The following PFKFB3 variants were observed in gnomAD, a reference collection of about 807,000 sequenced individuals.
PFKFB3 encodes the protein 6-phosphofructo-2-kinase/fructose-2,6-bisphosphatase 3.
In PFKFB3, 33 loss-of-function variants were observed where a neutral mutation model predicts 68.0. The ratio of observed to expected loss-of-function variants is 0.49; its 90% confidence interval spans 0.37 to 0.65. PFKFB3 has a LOEUF of 0.65. Ranked by LOEUF, PFKFB3 falls within the 30% of genes least tolerant of loss-of-function variation. The probability of loss-of-function intolerance (pLI) is 0.00; values close to 1 mark genes in which losing one functional copy is unlikely to be tolerated. For missense variants in PFKFB3, 586 were observed against 712.2 expected (o/e 0.82, Z 2.02); for synonymous variants, 315 against 288.2 (o/e 1.09, Z -0.94).
chr10:6,306,970 G>C, the PFKFB3 span, among the ~76,000 whole-genome samples: 1 of 152,190 alleles, frequency 6.6e-6, no homozygotes, highest in Non-Finnish European at 1.5e-5. Flanking sequence ...GTGCTTTTGG[G>C]TGAAATTAAC....
In PFKFB3 at chr10:6,228,494, G is replaced by A. The variant is rs897310028; in HGVS notation, c.1515+2129G>A. ...CTCCCCTACCCTCTCAGGGCTGCAG[G>A]TCGTGGTGTGTAATGGCCGTGGTTT... On this transcript the variant is annotated intron_variant, in intron 14 of 14. Coordinates refer to ENST00000379775, the MANE Select transcript of PFKFB3 (RefSeq NM_004566.4). The surrounding 1 kb of genome is among the most constrained non-coding windows in gnomAD (Gnocchi z 4.5). Among the ~76,000 whole-genome samples the A allele has an allele frequency of 2.0e-5, 3 of 152,030 alleles. No individual in the cohort carries two copies.
At chr10:6,165,161 C>T (rs1280521464) in intron 1 of PFKFB3, among the ~76,000 whole-genome samples, 2 of 152,180 alleles carry the variant, frequency 1.3e-5, no homozygotes, top group African/African-American at 2.4e-5. Flanking sequence ...GTCCCTGCAG[C>T]CTTCTGCAGT....
the PFKFB3 span, among the ~76,000 whole-genome samples, chr10:6,318,856 T>G: frequency 1.3e-5 from 2 of 152,088 alleles, no homozygotes. Context: ...GAAACATGAG[T>G]GGGACTTGCG....
At chr10:6,308,495 G>A in the PFKFB3 span, among the ~76,000 whole-genome samples, 1 of 152,196 alleles carries the variant, frequency 6.6e-6, no homozygotes, top group Admixed American at 6.5e-5. Flanking sequence ...CAGCCTGGGT[G>A]ACAGAGAGAG....
At chr10:6,179,592 G>A (rs368278288) in intron 1 of PFKFB3, among the ~76,000 whole-genome samples, 2 of 152,150 alleles carry the variant, frequency 1.3e-5, no homozygotes, top group African/African-American at 2.4e-5. Context: ...GGGGGTCGTC[G>A]AAGGACGGGT....
At chr10:6,312,957 C>A in the PFKFB3 span, among the ~76,000 whole-genome samples, 2 of 152,198 alleles carry the variant, frequency 1.3e-5, no homozygotes, top group Non-Finnish European at 2.9e-5. Flanking sequence ...TTCGCTTTGC[C>A]ATCCCCTGTG....
intron 1 of PFKFB3, among the ~76,000 whole-genome samples, chr10:6,171,101 G>A (rs1447429755): frequency 6.6e-6 from 1 of 152,136 alleles, no homozygotes; most frequent in Admixed American, 6.5e-5. Context: ...GTGCAATGGT[G>A]CAATGGCGTG....
downstream of PFKFB3, among the ~76,000 whole-genome samples, chr10:6,236,325 G>T (rs74564141): frequency 0.014 from 2,119 of 152,334 alleles, 113 homozygotes; most frequent in Admixed American, 0.086. Flanking sequence ...TGCAGATGGG[G>T]CAGGGTTCAG....
At chr10:6,190,907 T>G (rs1843005030) in intron 1 of PFKFB3, among the ~76,000 whole-genome samples, 1 of 152,170 alleles carries the variant, frequency 6.6e-6, no homozygotes, top group Admixed American at 6.5e-5. Flanking sequence ...GCCTCCTGAG[T>G]AGCTGGGATT....
intron 1 of PFKFB3, among the ~76,000 whole-genome samples, chr10:6,168,883 A>G (rs533387788): frequency 6.6e-6 from 1 of 152,306 alleles, no homozygotes; most frequent in East Asian, 1.9e-4. Flanking sequence ...CTGCCCAGAC[A>G]ACCTCCTAAA....
At chr10:6,152,217 C>T (rs771267541) in intron 1 of PFKFB3, 1 of 154,134 alleles carries the variant, frequency 6.5e-6, no homozygotes, top group Admixed American at 6.6e-5. Context: ...CCTCCCACTG[C>T]AGAGCCTGGG....
chr10:6,164,996 A>G (rs754744060), intron 1 of PFKFB3, among the ~76,000 whole-genome samples: 1 of 148,828 alleles, frequency 6.7e-6, no homozygotes, highest in Non-Finnish European at 1.5e-5. Context: ...TCTCAACTGC[A>G]AAGAGGCCCC....
downstream of PFKFB3, among the ~76,000 whole-genome samples, chr10:6,238,717 C>A (rs1181321749): frequency 6.6e-6 from 1 of 152,082 alleles, no homozygotes; most frequent in African/African-American, 2.4e-5. Flanking sequence ...TCTCCCTCCT[C>A]CCACCCACCA....
the PFKFB3 span, among the ~76,000 whole-genome samples, chr10:6,269,856 T>C: frequency 6.6e-6 from 1 of 152,110 alleles, no homozygotes; most frequent in African/African-American, 2.4e-5. Flanking sequence ...TGGTGCCAGG[T>C]GTGGTGGCTC....
the PFKFB3 span, among the ~76,000 whole-genome samples, chr10:6,260,315 G>C: frequency 2.6e-5 from 4 of 151,468 alleles, no homozygotes; most frequent in Non-Finnish European, 5.9e-5. Context: ...CGGAGAGGCT[G>C]AGGCAGGAGA....
At chr10:6,260,479 C>T in the PFKFB3 span, among the ~76,000 whole-genome samples, 1 of 151,292 alleles carries the variant, frequency 6.6e-6, no homozygotes, top group East Asian at 1.9e-4. Context: ...TTCATGCCCC[C>T]TTTTAATTGC....
chr10:6,199,122 T>G (rs1843251718), upstream of PFKFB3, among the ~76,000 whole-genome samples: 1 of 152,210 alleles, frequency 6.6e-6, no homozygotes, highest in East Asian at 1.9e-4. Flanking sequence ...GTCTCACTTC[T>G]CTCCCTCATA....
intron 14 of PFKFB3, chr10:6,231,188 A>G: frequency 9.3e-7 from 1 of 1,080,126 alleles, no homozygotes; most frequent in Non-Finnish European, 1.4e-6. Context: ...GCACACTAGA[A>G]AATCCTACTA....
At chr10:6,223,817 A>G in intron 11 of PFKFB3, 141 bp from the exon 12 acceptor site, 1 of 725,856 alleles carries the variant, frequency 1.4e-6, no homozygotes, top group South Asian at 1.5e-5. Context: ...GGGTTTTGCC[A>G]TGTTGGTCAG....
Sources: allele counts gnomAD v4.1 joint callset (sites outside exome capture counted in the v4.1 genomes callset), GRCh38; gene constraint gnomAD v4.1.1; non-coding constraint Gnocchi (gnomAD v3.1); transcripts MANE v1.5; gene names NCBI Gene and HGNC (gene_info 2026-07-23, HGNC 2026-07-21).